Variants in BTBD3 observed in about 807,000 individuals in gnomAD.
BTBD3 encodes BTB domain containing 3.
In BTBD3, 14 loss-of-function variants were observed where a neutral mutation model predicts 41.6. The observed-to-expected ratio is 0.34, with a 90% confidence interval of 0.22 to 0.53. The LOEUF is 0.53. BTBD3 is among the 20% of genes least tolerant of loss of function. BTBD3 has a pLI of 0.95. For synonymous variants in BTBD3, 249 were observed against 233.7 expected, an observed-to-expected ratio of 1.07 and a Z score of -0.60; for missense variants, 426 against 654.7, an observed-to-expected ratio of 0.65 and a Z score of 3.81.
intron 1 of BTBD3, among the ~76,000 whole-genome samples, chr20:11,896,621 A>T (rs1216398227): frequency 6.6e-6 from 1 of 152,224 alleles, no homozygotes; most frequent in Non-Finnish European, 1.5e-5. Flanking sequence ...ATAATTCTTC[A>T]TCAGGACAAA....
chr20:11,891,446 A>G (rs1308734843), intron 1 of BTBD3: 1 of 151,220 alleles, frequency 6.6e-6, no homozygotes, highest in Non-Finnish European at 1.5e-5. Context: ...AACTTCCCCT[A>G]AGTAACTTTC....
rs1469746381 is a variant in BTBD3 at position 11,909,261 on chromosome 20, C to G, written c.-125-9073C>G. 39 of 124,558 alleles carry G rather than the reference C, an allele frequency of 3.1e-4. No individual in the cohort carries two copies. In the Admixed American group the frequency reaches 3.5e-3, roughly 11 times the overall value. The allele number at this position is 124,558 out of a possible 1,614,324, so 7.7% of individuals were successfully genotyped here. ...TGTGCTCCAGCCTGGGCAACAAGGG[C>G]GAAACCCCCTGTCAAAAAAAAAAAA... On this transcript the variant is annotated intron_variant, in intron 1 of 4. Coordinates refer to the BTBD3 transcript ENST00000254977.
At position 11,923,491 on chromosome 20, in the gene BTBD3, C is replaced by T. The variant is rs77962945; in HGVS notation, c.1394C>T (p.Thr465Ile). 3.4e-5 allele frequency: 55 copies of T among 1,614,174 alleles called. No individual in the cohort carries two copies. The highest frequency in any genetic ancestry group is 8.3e-5 in the Admixed American group (5 of 60,016). ...TACCCAGTGCAGATCGAGCCAGACACCTTCTACACAGCCAGTGTGATACTG... is the reference window on the plus strand; with the variant it reads ...TACCCAGTGCAGATCGAGCCAGACATCTTCTACACAGCCAGTGTGATACTG... Reference protein sequence around the residue: ...FEYPVQIEPDTFYTASVILDG... With the variant: ...FEYPVQIEPDIFYTASVILDG... Residue 465 changes from threonine (T) to isoleucine (I), a missense_variant, in exon 4 of 4, where the codon ACC becomes ATC. Transcript: ENST00000378226. The surrounding 1 kb of genome is among the most constrained non-coding windows in gnomAD (Gnocchi z 5.3).
Position 11,923,335 on chromosome 20 carries a change from A to G in BTBD3, c.1238A>G (p.Tyr413Cys). Residue 413 changes from tyrosine to cysteine, a missense_variant, in exon 4 of 4, where the codon TAT becomes TGT. Physicochemically the swap from Tyr to Cys is radical, Grantham distance 194. This residue lies in a region of BTBD3 where 321 missense variants were observed against 534.8 expected (regional missense o/e 0.60). Coordinates refer to ENST00000378226, the MANE Select transcript of BTBD3 (RefSeq NM_014962.4). This position sits in a 1 kb window ranked among gnomAD's most constrained non-coding sequence, Gnocchi z 5.3. Reference sequence around the variant, plus strand: ...GTGTTCATTGCTGGCTTTGGGCTGTATGGCTCCAGCTGTGGTTCTGCAGAA... The same window carrying G: ...GTGTTCATTGCTGGCTTTGGGCTGTGTGGCTCCAGCTGTGGTTCTGCAGAA... The part of the protein sequence containing the change: ...KRVFIAGFGL[Y>C]GSSCGSAEYS... The G allele has an allele frequency of 6.2e-7, 1 of 1,614,216 alleles. No individual in the cohort carries two copies. The highest frequency in any genetic ancestry group is 8.5e-7 in the Non-Finnish European group (1 of 1,180,040).
At chr20:11,897,994 C>G (rs2056798447) in intron 1 of BTBD3, among the ~76,000 whole-genome samples, 1 of 152,014 alleles carries the variant, frequency 6.6e-6, no homozygotes, top group African/African-American at 2.4e-5. Flanking sequence ...CTTATGTCTA[C>G]TAAAAATACA....
At chr20:11,899,464 C>G (rs1476213833) in intron 1 of BTBD3, among the ~76,000 whole-genome samples, 1 of 152,120 alleles carries the variant, frequency 6.6e-6, no homozygotes, top group South Asian at 2.1e-4. Flanking sequence ...AGTGGATGAG[C>G]ACTGTATTTG....
chr20:11,902,375 A>G (rs181425566), intron 1 of BTBD3, among the ~76,000 whole-genome samples: 66 of 152,338 alleles, frequency 4.3e-4, no homozygotes, highest in Admixed American at 1.4e-3. Context: ...TCTACAGTAC[A>G]TATCAAGCAA....
At chr20:11,921,802 A>G (rs2056971990) in intron 3 of BTBD3, 1 of 152,234 alleles carries the variant, frequency 6.6e-6, no homozygotes, top group Admixed American at 6.5e-5. Flanking sequence ...AACTCAAGAT[A>G]AAGTAGCTGT....
At chr20:11,902,979 C>T (rs2056832721) in intron 1 of BTBD3, among the ~76,000 whole-genome samples, 2 of 151,828 alleles carry the variant, frequency 1.3e-5, no homozygotes, top group Admixed American at 1.3e-4. Flanking sequence ...AACTAATTTT[C>T]CAATATAGTT....
intron 1 of BTBD3, among the ~76,000 whole-genome samples, chr20:11,892,848 G>T (rs1469917475): frequency 6.6e-6 from 1 of 152,146 alleles, no homozygotes; most frequent in African/African-American, 2.4e-5. Context: ...CTCCACATCT[G>T]TGCGGAAAAA....
Position 11,923,079 on chromosome 20 carries a change from G to A in BTBD3, c.982G>A (p.Asp328Asn), listed in dbSNP as rs754515054. Reference protein sequence around the residue: ...YLIRIPTMALDDFANGAAQSG... With the variant: ...YLIRIPTMALNDFANGAAQSG... ...GATCCGCATACCCACAATGGCCCTC[G>A]ATGATTTTGCAAATGGTGCTGCACA... The change falls in exon 4 of 4, where the codon GAT (aspartate) becomes AAT (asparagine). Residue 328 changes from aspartate (D) to asparagine (N), a missense_variant. Around this residue, in one of 3 missense-constraint regions of BTBD3, gnomAD observed 321 missense variants for 534.8 expected, o/e 0.60. Coordinates refer to ENST00000378226, the MANE Select transcript of BTBD3 (RefSeq NM_014962.4). This position sits in a 1 kb window ranked among gnomAD's most constrained non-coding sequence, Gnocchi z 5.3. 6.8e-6 allele frequency: 11 copies of A among 1,613,874 alleles called. No individual in the cohort carries two copies. The highest frequency in any genetic ancestry group is 2.7e-5 in the African/African-American group (2 of 74,920).
chr20:11,918,497 C>CTCCAGCAGCACCAGCG lies in BTBD3; in HGVS notation c.231_246dup (p.Tyr83HisfsTer13), dbSNP rs1319878609. ...TATTCCCCCGTAAAAAGCCAGCCAACTCCAGCAGCACCAGCGTCCAGCAGT... is the reference window on the plus strand; with the variant it reads ...TATTCCCCCGTAAAAAGCCAGCCAACTCCAGCAGCACCAGCGTCCAGCAGCACCAGCGTCCAGCAGT... On this transcript the variant is annotated frameshift_variant, in exon 1 of 4. Transcript: ENST00000378226. LOFTEE classifies it high-confidence loss of function. 1 of 1,614,196 alleles carries CTCCAGCAGCACCAGCG rather than the reference C, an allele frequency of 6.2e-7. No homozygotes were observed. The highest frequency in any genetic ancestry group is 2.2e-5 in the East Asian group (1 of 44,884).
chr20:11,894,521 T>C (rs1413649635), intron 1 of BTBD3, among the ~76,000 whole-genome samples: 5 of 152,162 alleles, frequency 3.3e-5, no homozygotes, highest in African/African-American at 1.2e-4. Context: ...TTTTTTTCTT[T>C]TGTTTTCCTT....
intron 1 of BTBD3, among the ~76,000 whole-genome samples, chr20:11,904,619 T>C (rs1039685853): frequency 1.3e-5 from 2 of 152,192 alleles, no homozygotes; most frequent in African/African-American, 2.4e-5. Flanking sequence ...AAAACTTGTT[T>C]ATAGGGGTCA....
chr20:11,922,110 A>T (rs1433639542), intron 3 of BTBD3, among the ~76,000 whole-genome samples: 1 of 152,232 alleles, frequency 6.6e-6, no homozygotes, highest in African/African-American at 2.4e-5. Context: ...TGTAAAGTTA[A>T]CTGGACGATA....
chr20:11,922,756 T>C lies in BTBD3; in HGVS notation c.659T>C (p.Leu220Pro). The change falls in exon 4 of 4, where the codon CTG (leucine) becomes CCG (proline). Residue 220 changes from leucine to proline, a missense_variant. Transcript: ENST00000378226. Reference sequence around the variant, plus strand: ...TGTGTTAATTTCCTGGAGACCAGCCTGAGTGCCAAGAATGCCTGTGTGCTC... The same window carrying C: ...TGTGTTAATTTCCTGGAGACCAGCCCGAGTGCCAAGAATGCCTGTGTGCTC... ...RACVNFLETSLSAKNACVLLS... is the reference protein window; with the variant it reads ...RACVNFLETSPSAKNACVLLS... 1.2e-6 allele frequency: 2 copies of C among 1,614,244 alleles called. No individual in the cohort carries two copies. The highest frequency in any genetic ancestry group is 1.7e-6 in the Non-Finnish European group (2 of 1,180,048).
intron 1 of BTBD3, among the ~76,000 whole-genome samples, chr20:11,906,254 C>CTTTTTTTTTT (rs3071747): frequency 0.045 from 1,615 of 36,228 alleles, 440 homozygotes; most frequent in Admixed American, 0.058. Context: ...ATTATTACTC[C>CTTTTTTTTTT]TTTTTTTTTT....
Position 11,919,814 on chromosome 20 carries a change from G to A in BTBD3, c.514G>A (p.Ala172Thr), listed in dbSNP as rs780319807. ...DEIRIPDVEP[A>T]AFLAMLKYIY... ...AATCCGTATACCAGATGTCGAACCT[G>A]CTGCTTTTCTCGCTATGCTGAAGTA... is the stretch of plus-strand genomic sequence containing the variant. The change falls in exon 3 of 4, where the codon GCT becomes ACT. Residue 172 changes from alanine to threonine, a missense_variant. Ala to Thr is a moderately conservative substitution (Grantham distance 58, BLOSUM62 0). Around this residue, in one of 3 missense-constraint regions of BTBD3, gnomAD observed 321 missense variants for 534.8 expected, o/e 0.60. Transcript: ENST00000378226. 6.2e-7 allele frequency: 1 copy of A among 1,614,052 alleles called. No homozygotes were observed. The highest frequency in any genetic ancestry group is 2.2e-5 in the East Asian group (1 of 44,870).
chr20:11,923,652 A>G lies in BTBD3; in HGVS notation c.1555A>G (p.Ile519Val), dbSNP rs1403677134. ...GVQGGQIPEL[I>V]FYA ...ACAGGGAGGGCAGATCCCTGAACTT[A>G]TATTCTATGCTTGAAAACTCACTTC... Residue 519 changes from isoleucine to valine, a missense_variant, in exon 4 of 4, where the codon ATA becomes GTA. Transcript: ENST00000378226. The surrounding 1 kb of genome is among the most constrained non-coding windows in gnomAD (Gnocchi z 5.3). The G allele has an allele frequency of 1.3e-6, 2 of 1,598,960 alleles. No individual in the cohort carries two copies. The highest frequency in any genetic ancestry group is 1.7e-6 in the Non-Finnish European group (2 of 1,172,322).
Sources: gnomAD v4.1 joint callset for allele counts (sites outside exome capture counted in the v4.1 genomes callset) on GRCh38, gnomAD v4.1.1 for gene constraint, gnomAD v4.1.1 regional missense constraint, Gnocchi (gnomAD v3.1) non-coding constraint, MANE v1.5 for transcripts, NCBI Gene and HGNC (gene_info 2026-07-23, HGNC 2026-07-21) for gene names.